SHLD2: variants seen among roughly 807,000 people sequenced by gnomAD.
The protein encoded by SHLD2 is shieldin complex subunit 2, also known as RINN1-REV7-interacting novel NHEJ regulator 2.
In SHLD2, 30 loss-of-function variants were observed where a neutral mutation model predicts 73.2. That is an observed-to-expected ratio of 0.41 (90% confidence interval 0.31 to 0.56). SHLD2 has a LOEUF of 0.56. Ranked by LOEUF, SHLD2 falls within the 20% of genes least tolerant of loss-of-function variation. The pLI, the probability that SHLD2 is intolerant of heterozygous loss-of-function variation, is 0.28. For missense variants in SHLD2, 745 were observed against 1,055.9 expected, an observed-to-expected ratio of 0.71 and a Z score of 4.08; for synonymous variants, 285 against 370.1, an observed-to-expected ratio of 0.77 and a Z score of 2.64.
At chr10:87,189,552 T>C (rs1162155884) in intron 9 of SHLD2, among the ~76,000 whole-genome samples, 1 of 152,148 alleles carries the variant, frequency 6.6e-6, no homozygotes, top group Admixed American at 6.5e-5. Context: ...AAAGTTATTG[T>C]AGAGAATTAT....
chr10:87,095,965 T>G (rs1027425333), intron 1 of SHLD2, among the ~76,000 whole-genome samples: 10 of 152,338 alleles, frequency 6.6e-5, no homozygotes, highest in Admixed American at 6.5e-4. Flanking sequence ...AAACTAGAAA[T>G]GCGATAATGC....
intron 2 of SHLD2, among the ~76,000 whole-genome samples, chr10:87,120,088 C>G (rs1481361974): frequency 6.6e-6 from 1 of 151,898 alleles, no homozygotes; most frequent in Admixed American, 6.6e-5. Flanking sequence ...TATTAATGAG[C>G]TGAATTTGAT....
At chr10:87,106,096 T>A (rs919458402) in intron 2 of SHLD2, among the ~76,000 whole-genome samples, 8 of 152,074 alleles carry the variant, frequency 5.3e-5, no homozygotes, top group African/African-American at 1.9e-4. Flanking sequence ...CTCCGCCTCC[T>A]GGGTTCAAGT....
intron 2 of SHLD2, among the ~76,000 whole-genome samples, chr10:87,147,815 T>C (rs1449560937): frequency 6.6e-6 from 1 of 152,102 alleles, no homozygotes; most frequent in African/African-American, 2.4e-5. Flanking sequence ...TGCCCCAGGC[T>C]TCTCTCTTCT....
chr10:87,136,983 G>C (rs182526897), intron 2 of SHLD2, among the ~76,000 whole-genome samples: 6 of 152,262 alleles, frequency 3.9e-5, no homozygotes, highest in Non-Finnish European at 8.8e-5. Flanking sequence ...CTCCCTTCTA[G>C]TGTCCTAACA....
chr10:87,188,216 T>C (rs1848744982), intron 9 of SHLD2, among the ~76,000 whole-genome samples: 2 of 152,224 alleles, frequency 1.3e-5, no homozygotes, highest in African/African-American at 4.8e-5. Context: ...GTCCCTTATG[T>C]GGCATGGCAG....
intron 3 of SHLD2, 44 bp downstream of exon 3, chr10:87,152,923 A>C (rs755052999): frequency 2.2e-5 from 34 of 1,551,368 alleles, no homozygotes; most frequent in Middle Eastern, 2.4e-4. Context: ...TATAAAGCTA[A>C]GTTTTGTTTG....
At position 87,108,276 on chromosome 10, in the gene SHLD2, G is replaced by A. The variant is rs918071162; in HGVS notation, c.-6+11287G>A. On this transcript the variant is annotated intron_variant, in intron 2 of 9. Coordinates refer to ENST00000298786, the MANE Select transcript of SHLD2 (RefSeq NM_001330112.2). ...GTTGGTCAGGCTGGTCTCGAACTCC[G>A]GACCTCAGGTGATCCGCCCTCCTTG... Among the ~76,000 whole-genome samples the A allele has an allele frequency of 3.9e-5, 6 of 151,930 alleles. No individual in the cohort carries two copies. In the South Asian group the frequency reaches 6.2e-4, roughly 16 times the overall value.
intron 2 of SHLD2, among the ~76,000 whole-genome samples, chr10:87,127,377 A>G (rs988986012): frequency 1.6e-4 from 25 of 151,950 alleles, no homozygotes; most frequent in African/African-American, 5.8e-4. Flanking sequence ...CGGCAACTAA[A>G]AAGTATAAAA....
At position 87,187,135 on chromosome 10, in the gene SHLD2, T is replaced by C. The variant is rs1848670703; in HGVS notation, c.2450T>C (p.Val817Ala). The C allele has an allele frequency of 1.9e-6, 3 of 1,613,676 alleles. No individual in the cohort carries two copies. Among genetic ancestry groups the C allele is most frequent in the Non-Finnish European group, 2.5e-6 (3 of 1,179,628 alleles). ...GGAAGACATGATGTTTGTATCCGTGTAGAATCAAAGCTGATAGAGAAGATT... is the reference window on the plus strand; with the variant it reads ...GGAAGACATGATGTTTGTATCCGTGCAGAATCAAAGCTGATAGAGAAGATT... ...IDGRHDVCIR[V>A]ESKLIEKILL... is the part of the protein sequence containing the mutation. The change falls in exon 9 of 10, where the codon GTA becomes GCA. Residue 817 changes from valine to alanine, a missense_variant. Physicochemically the swap from Val to Ala is moderately conservative, Grantham distance 64. This residue lies in a region of SHLD2 where 418 missense variants were observed against 567.8 expected (regional missense o/e 0.74). Transcript: ENST00000298786.
chr10:87,125,381 A>G (rs1843920518), intron 2 of SHLD2, among the ~76,000 whole-genome samples: 1 of 152,190 alleles, frequency 6.6e-6, no homozygotes, highest in Non-Finnish European at 1.5e-5. Flanking sequence ...GTTTTAAGAT[A>G]TCAGTATCAT....
intron 2 of SHLD2, among the ~76,000 whole-genome samples, chr10:87,098,513 CAAA>C (rs375253699): frequency 3.4e-5 from 2 of 59,018 alleles, no homozygotes. Context: ...AACTCCATCT[CAAA>C]AAAAAAAAAA....
At chr10:87,183,955 G>GTT (rs1848463978) in intron 8 of SHLD2, among the ~76,000 whole-genome samples, 1 of 152,122 alleles carries the variant, frequency 6.6e-6, no homozygotes, top group Admixed American at 6.6e-5. Context: ...GATCACAGCT[G>GTT]TTTTCGTATT....
At chr10:87,163,841 T>C (rs1037624550) in intron 4 of SHLD2, among the ~76,000 whole-genome samples, 9 of 151,502 alleles carry the variant, frequency 5.9e-5, no homozygotes, top group Non-Finnish European at 1.0e-4. Flanking sequence ...TACATAAACA[T>C]CTCCTAGTTC....
chr10:87,143,767 G>T (rs1367180053), intron 2 of SHLD2, among the ~76,000 whole-genome samples: 1 of 151,610 alleles, frequency 6.6e-6, no homozygotes, highest in Non-Finnish European at 1.5e-5. Flanking sequence ...AAGGAAAAAA[G>T]ATACTGACTA....
At chr10:87,122,682 A>G (rs1396678793) in intron 2 of SHLD2, among the ~76,000 whole-genome samples, 1 of 152,246 alleles carries the variant, frequency 6.6e-6, no homozygotes, top group East Asian at 1.9e-4. Flanking sequence ...AGAAAAGCTC[A>G]AGGATTGACA....
chr10:87,185,944 G>A (rs1334737929), intron 8 of SHLD2, among the ~76,000 whole-genome samples: 2 of 152,120 alleles, frequency 1.3e-5, no homozygotes, highest in East Asian at 1.9e-4. Flanking sequence ...CTGGCCTCAA[G>A]CAGTCCTCCT....
chr10:87,144,632 T>C (rs1845448053), intron 2 of SHLD2, among the ~76,000 whole-genome samples: 1 of 136,874 alleles, frequency 7.3e-6, no homozygotes, highest in Admixed American at 7.4e-5. Flanking sequence ...TTTTTTTTTT[T>C]TTTTTTTTTT....
chr10:87,129,143 T>A (rs1392551940), intron 2 of SHLD2, among the ~76,000 whole-genome samples: 1 of 152,216 alleles, frequency 6.6e-6, no homozygotes, highest in Non-Finnish European at 1.5e-5. Flanking sequence ...CAGGCTGGAG[T>A]GCAGTGGTGC....
Sources: allele counts gnomAD v4.1 joint callset (sites outside exome capture counted in the v4.1 genomes callset), GRCh38; gene constraint gnomAD v4.1.1; regional missense constraint gnomAD v4.1.1; transcripts MANE v1.5; gene names NCBI Gene and HGNC (gene_info 2026-07-23, HGNC 2026-07-21).